GRB2: variants seen among roughly 807,000 people sequenced by gnomAD.
GRB2 encodes the protein growth factor receptor-bound protein 2.
Under a neutral mutation model 27.4 loss-of-function variants are expected in GRB2, and 2 were observed. The observed-to-expected ratio is 0.07, with a 90% CI of 0.03 to 0.23. GRB2 has a LOEUF of 0.23. Among genes scored for constraint, GRB2 ranks in the 10% least tolerant of loss-of-function variants. The probability of loss-of-function intolerance (pLI) is 1.00; values close to 1 mark genes in which losing one functional copy is unlikely to be tolerated. For missense variants in GRB2, 102 were observed against 282.4 expected, an observed-to-expected ratio of 0.36 and a Z score of 4.58; for synonymous variants, 94 against 99.6, an observed-to-expected ratio of 0.94 and a Z score of 0.33.
chr17:75,393,543 G>A lies in GRB2; in HGVS notation c.78+8C>T. ...GATCTCAGCATTGTGCTCGGCATCA[G>A]CACTTACCTTGAGGATGTCCCCCCT... On this transcript the variant is annotated splice_region_variant and intron_variant, in intron 2 of 5. Transcript: ENST00000316804. 6.2e-7 allele frequency: 1 copy of A among 1,610,102 alleles called. No individual in the cohort carries two copies. Among genetic ancestry groups the A allele is most frequent in the Non-Finnish European group, 8.5e-7 (1 of 1,176,264 alleles).
At chr17:75,382,017 G>C (rs1173270787) in intron 2 of GRB2, among the ~76,000 whole-genome samples, 3 of 152,042 alleles carry the variant, frequency 2.0e-5, no homozygotes. Flanking sequence ...AGGGTCAAGA[G>C]ATCGAGATCA....
chr17:75,336,683 T>G (rs928951697), intron 2 of GRB2, among the ~76,000 whole-genome samples: 12 of 152,210 alleles, frequency 7.9e-5, no homozygotes, highest in Non-Finnish European at 1.3e-4. Flanking sequence ...GTGTTTAGTA[T>G]GTTTTTCTCC....
intron 2 of GRB2, chr17:75,371,599 G>T: frequency 6.6e-6 from 1 of 152,060 alleles, no homozygotes; most frequent in African/African-American, 2.4e-5. Context: ...GGTGCTCGGG[G>T]CAGCAAAGGG....
rs1398892817 is a variant in GRB2 at position 75,318,345 on chromosome 17, G to C, written c.*2023C>G. The C allele has an allele frequency of 1.3e-5, 2 of 152,204 alleles. No individual in the cohort carries two copies. Among genetic ancestry groups the C allele is most frequent in the Non-Finnish European group, 2.9e-5 (2 of 68,062 alleles). The allele number at this position is 152,204 out of a possible 1,614,324, so 9.4% of individuals were successfully genotyped here. ...ATGAGGAAGAGTGAGGGAAGGCGGGGACAGGCTCTGCCCAGAAGAGCTGCC... is the reference window on the plus strand; with the variant it reads ...ATGAGGAAGAGTGAGGGAAGGCGGGCACAGGCTCTGCCCAGAAGAGCTGCC... On this transcript the variant is annotated 3_prime_UTR_variant, in exon 6 of 6. Coordinates refer to ENST00000316804, the MANE Select transcript of GRB2 (RefSeq NM_002086.5).
intron 2 of GRB2, among the ~76,000 whole-genome samples, chr17:75,367,618 C>T (rs1158098352): frequency 6.6e-6 from 1 of 152,214 alleles, no homozygotes; most frequent in Non-Finnish European, 1.5e-5. Context: ...GAAATGAGTT[C>T]AGCCCTTTAT....
At chr17:75,353,689 G>C (rs1406549091) in intron 2 of GRB2, among the ~76,000 whole-genome samples, 1 of 151,876 alleles carries the variant, frequency 6.6e-6, no homozygotes, top group Non-Finnish European at 1.5e-5. Context: ...GAACCTGGGA[G>C]GCAGAGGTTG....
At chr17:75,388,264 G>A (rs191272461) in intron 2 of GRB2, among the ~76,000 whole-genome samples, 1 of 151,806 alleles carries the variant, frequency 6.6e-6, no homozygotes, top group African/African-American at 2.4e-5. Context: ...CACCGGGCCC[G>A]GCTGTTTTTT....
chr17:75,376,537 G>T (rs1254003915), intron 2 of GRB2, among the ~76,000 whole-genome samples: 1 of 121,726 alleles, frequency 8.2e-6, no homozygotes. Flanking sequence ...AAAAAAAAAA[G>T]ATTAGTGAAG....
intron 3 of GRB2, among the ~76,000 whole-genome samples, chr17:75,329,610 C>T (rs1419126218): frequency 6.6e-6 from 1 of 152,138 alleles, no homozygotes; most frequent in East Asian, 1.9e-4. Context: ...AAAAATCTGG[C>T]ACCAGGTGCA....
chr17:75,394,361 T>C (rs1407422741), intron 1 of GRB2: 1 of 152,220 alleles, frequency 6.6e-6, no homozygotes, highest in Non-Finnish European at 1.5e-5. Flanking sequence ...AACTGCTTTT[T>C]CAATCCATTT....
intron 2 of GRB2, among the ~76,000 whole-genome samples, chr17:75,378,124 G>A (rs1350968796): frequency 2.6e-5 from 4 of 152,012 alleles, no homozygotes; most frequent in Non-Finnish European, 5.9e-5. Flanking sequence ...AGTGGCTCAC[G>A]CCTGTAATTC....
chr17:75,401,212 G>A (rs974130515), intron 1 of GRB2, among the ~76,000 whole-genome samples: 8 of 152,080 alleles, frequency 5.3e-5, no homozygotes, highest in East Asian at 3.9e-4. Context: ...TTGGGAGGCC[G>A]AGGCGGGTGG....
intron 2 of GRB2, among the ~76,000 whole-genome samples, chr17:75,346,490 C>T (rs1212481444): frequency 6.6e-6 from 1 of 151,438 alleles, no homozygotes; most frequent in South Asian, 2.1e-4. Context: ...AGTGAGACTC[C>T]GTCTCCAAAA....
At chr17:75,349,284 C>T (rs897053189) in intron 2 of GRB2, among the ~76,000 whole-genome samples, 2 of 152,134 alleles carry the variant, frequency 1.3e-5, no homozygotes, top group African/African-American at 4.8e-5. Flanking sequence ...ATTTGGACAG[C>T]TGGATGTGGC....
intron 2 of GRB2, among the ~76,000 whole-genome samples, chr17:75,379,542 G>T (rs915031451): frequency 6.6e-6 from 1 of 152,056 alleles, no homozygotes; most frequent in African/African-American, 2.4e-5. Context: ...GGAACTACAG[G>T]CATGCACCAC....
intron 2 of GRB2, among the ~76,000 whole-genome samples, chr17:75,368,700 A>G (rs2053517794): frequency 6.6e-6 from 1 of 151,806 alleles, no homozygotes; most frequent in African/African-American, 2.4e-5. Flanking sequence ...ACATGCAACC[A>G]TGCCCGGCTC....
At chr17:75,363,229 T>A (rs2078796457) in intron 2 of GRB2, among the ~76,000 whole-genome samples, 1 of 152,178 alleles carries the variant, frequency 6.6e-6, no homozygotes, top group African/African-American at 2.4e-5. Context: ...GCACCTCACC[T>A]AAACTATCTT....
At chr17:75,339,984 C>A (rs1201843576) in intron 2 of GRB2, among the ~76,000 whole-genome samples, 1 of 152,108 alleles carries the variant, frequency 6.6e-6, no homozygotes, top group African/African-American at 2.4e-5. Flanking sequence ...AGAAAAATGG[C>A]AAGTATTTTG....
chr17:75,352,210 G>A (rs2078696972), intron 2 of GRB2, among the ~76,000 whole-genome samples: 1 of 152,124 alleles, frequency 6.6e-6, no homozygotes, highest in Non-Finnish European at 1.5e-5. Context: ...TGGGGGGCAG[G>A]GCAGCCGCAG....
Sources: allele counts gnomAD v4.1 joint callset (sites outside exome capture counted in the v4.1 genomes callset), GRCh38; gene constraint gnomAD v4.1.1; transcripts MANE v1.5; gene names NCBI Gene and HGNC (gene_info 2026-07-23, HGNC 2026-07-21).